Variants in NTM observed in about 807,000 individuals in gnomAD.
The protein encoded by NTM is neurotrimin.
Under a neutral mutation model 42.1 loss-of-function variants are expected in NTM, and 13 were observed. The ratio of observed to expected loss-of-function variants is 0.31; its 90% CI spans 0.20 to 0.49. The LOEUF (loss-of-function observed/expected upper bound fraction) is 0.49. Among genes scored for constraint, NTM ranks in the 20% least tolerant of loss-of-function variants. The pLI is 0.99. For missense variants in NTM, 373 were observed against 452.8 expected, an observed-to-expected ratio of 0.82 and a Z score of 1.60; for synonymous variants, 187 against 179.2, an observed-to-expected ratio of 1.04 and a Z score of -0.35.
intron 2 of NTM, among the ~76,000 whole-genome samples, chr11:132,067,528 C>T (rs553555627): frequency 1.0e-3 from 159 of 152,262 alleles, no homozygotes; most frequent in African/African-American, 3.4e-3. Flanking sequence ...AACTAGAAGA[C>T]GGGTTATCTG....
intron 3 of NTM, among the ~76,000 whole-genome samples, chr11:132,160,934 G>T (rs999594520): frequency 6.6e-6 from 1 of 152,218 alleles, no homozygotes; most frequent in South Asian, 2.1e-4. Flanking sequence ...ATGGCCCAGG[G>T]CCTGGAAAGC....
At chr11:132,020,598 T>C (rs2135518491) in intron 2 of NTM, among the ~76,000 whole-genome samples, 1 of 151,792 alleles carries the variant, frequency 6.6e-6, no homozygotes, top group South Asian at 2.1e-4. Flanking sequence ...TCTGGTAAAA[T>C]GTGGAAAATG....
intron 1 of NTM, among the ~76,000 whole-genome samples, chr11:131,502,581 A>G (rs425803): frequency 0.36 from 54,325 of 151,852 alleles, 10,228 homozygotes; most frequent in African/African-American, 0.47. Context: ...GTCGGGGCCC[A>G]TGCTGCTGCA....
chr11:131,440,087 T>C (rs1436113857), intron 1 of NTM, among the ~76,000 whole-genome samples: 4 of 152,074 alleles, frequency 2.6e-5, no homozygotes, highest in African/African-American at 9.6e-5. Context: ...TAAAAAGATG[T>C]TTTATTATTT....
At chr11:131,893,421 T>C (rs1237292087) in intron 1 of NTM, among the ~76,000 whole-genome samples, 6 of 152,102 alleles carry the variant, frequency 3.9e-5, no homozygotes, top group African/African-American at 1.4e-4. Context: ...TTGCAAAGAA[T>C]AGTGAAAGCA....
intron 2 of NTM, among the ~76,000 whole-genome samples, chr11:132,031,077 A>G (rs1335263191): frequency 6.6e-6 from 1 of 152,158 alleles, no homozygotes; most frequent in East Asian, 1.9e-4. Context: ...AATCCTGTCT[A>G]CAAACATCGT....
At chr11:131,995,066 A>G (rs1455907938) in intron 2 of NTM, among the ~76,000 whole-genome samples, 1 of 152,154 alleles carries the variant, frequency 6.6e-6, no homozygotes, top group Non-Finnish European at 1.5e-5. Flanking sequence ...TGCCTGCCTT[A>G]GATCCCCCTG....
intron 1 of NTM, among the ~76,000 whole-genome samples, chr11:131,558,524 CTGTT>C (rs1280734231): frequency 1.3e-5 from 2 of 152,150 alleles, no homozygotes; most frequent in Non-Finnish European, 1.5e-5. Flanking sequence ...AGCTACAAGT[CTGTT>C]TGGTTCTCAA....
intron 1 of NTM, among the ~76,000 whole-genome samples, chr11:131,893,685 A>G (rs983258435): frequency 2.0e-5 from 3 of 152,184 alleles, no homozygotes; most frequent in Non-Finnish European, 2.9e-5. Context: ...GCAAGTAATC[A>G]AGCCCCTTAC....
At chr11:131,547,712 G>T (rs60822916) in intron 1 of NTM, among the ~76,000 whole-genome samples, 1 of 152,174 alleles carries the variant, frequency 6.6e-6, no homozygotes, top group Non-Finnish European at 1.5e-5. Flanking sequence ...AGTCACTTAC[G>T]TCAAGAGTGA....
chr11:131,863,397 TC>T (rs1320400612), intron 1 of NTM, among the ~76,000 whole-genome samples: 1 of 152,074 alleles, frequency 6.6e-6, no homozygotes, highest in Non-Finnish European at 1.5e-5. Flanking sequence ...GTTCTTGGGG[TC>T]CTCCTGACTC....
intron 1 of NTM, among the ~76,000 whole-genome samples, chr11:131,450,584 G>A (rs919296135): frequency 5.3e-5 from 8 of 152,260 alleles, no homozygotes; most frequent in African/African-American, 1.7e-4. Flanking sequence ...ACTGCCCTTG[G>A]TGCCTTCACA....
chr11:132,040,911 T>C (rs1265639830), intron 2 of NTM, among the ~76,000 whole-genome samples: 3 of 152,246 alleles, frequency 2.0e-5, no homozygotes, highest in East Asian at 3.9e-4. Context: ...TCAATGTCCT[T>C]ATTGGTTTAA....
At chr11:132,126,540 G>A (rs74791706) in intron 2 of NTM, among the ~76,000 whole-genome samples, 1,704 of 152,304 alleles carry the variant, frequency 0.011, 36 homozygotes, top group African/African-American at 0.039. Context: ...CTCCCATGGC[G>A]GGGGCAGGAG....
intron 2 of NTM, among the ~76,000 whole-genome samples, chr11:132,141,479 T>C (rs2069139336): frequency 6.6e-6 from 1 of 152,198 alleles, no homozygotes; most frequent in South Asian, 2.1e-4. Context: ...GAGGGTTGCA[T>C]TTTTAGAGCA....
intron 1 of NTM, among the ~76,000 whole-genome samples, chr11:131,396,698 G>C (rs1180458404): frequency 6.6e-6 from 1 of 152,082 alleles, no homozygotes; most frequent in Non-Finnish European, 1.5e-5. Context: ...GTCAGGCACT[G>C]TGGTGGGCAA....
At chr11:131,913,443 G>A (rs1348139157) in intron 2 of NTM, among the ~76,000 whole-genome samples, 3 of 152,178 alleles carry the variant, frequency 2.0e-5, no homozygotes, top group Non-Finnish European at 1.5e-5. Flanking sequence ...GTCTCCAGAA[G>A]GTAGTCTTCA....
At chr11:131,597,597 C>A (rs1442057771) in intron 1 of NTM, among the ~76,000 whole-genome samples, 1 of 152,214 alleles carries the variant, frequency 6.6e-6, no homozygotes, top group Admixed American at 6.5e-5. Flanking sequence ...TCTACCCTTA[C>A]CCCTGGGAAG....
chr11:132,017,359 G>A (rs886410115), intron 2 of NTM, among the ~76,000 whole-genome samples: 1 of 151,904 alleles, frequency 6.6e-6, no homozygotes, highest in African/African-American at 2.4e-5. Context: ...TGGATGTTCA[G>A]TGTTTCTAGA....
Sources: allele counts gnomAD v4.1 joint callset (sites outside exome capture counted in the v4.1 genomes callset), GRCh38; gene constraint gnomAD v4.1.1; transcripts MANE v1.5; gene names NCBI Gene and HGNC (gene_info 2026-07-23, HGNC 2026-07-21).